The following DTL variants were observed in gnomAD, a reference collection of about 807,000 sequenced individuals.
DTL encodes the protein denticleless protein homolog.
DTL carries 46 observed loss-of-function variants against 87.0 expected under a neutral mutation model. That is an observed-to-expected ratio of 0.53 (90% CI 0.42 to 0.68). DTL has a LOEUF of 0.68. DTL is among the 30% of genes least tolerant of loss of function. The pLI, the probability that DTL is intolerant of heterozygous loss-of-function variation, is 0.00. For missense variants in DTL, 737 were observed against 869.4 expected (o/e 0.85, Z 1.91); for synonymous variants, 308 against 311.2 (o/e 0.99, Z 0.11).
At chr1:212,076,192 C>T (rs1654824488) in intron 11 of DTL, among the ~76,000 whole-genome samples, 1 of 152,082 alleles carries the variant, frequency 6.6e-6, no homozygotes, top group Non-Finnish European at 1.5e-5. Context: ...TCTTGTTTAA[C>T]ATAGGTTTTT....
chr1:212,039,645 C>T (rs1018789761), intron 1 of DTL, among the ~76,000 whole-genome samples: 1 of 152,114 alleles, frequency 6.6e-6, no homozygotes, highest in Non-Finnish European at 1.5e-5. Flanking sequence ...GCAAACATCA[C>T]AGAGTATAAA....
In DTL at chr1:212,076,904, C is replaced by T. The variant is rs1654847519; in HGVS notation, c.1036-1269C>T. On this transcript the variant is annotated intron_variant, in intron 11 of 14. Transcript: ENST00000366991. ...TTCCTTTCTGATAAATTTTAATTAA[C>T]TCTGCAAGACAAGTTAGACTCTGCT... Among the ~76,000 whole-genome samples, 2 of 152,172 alleles carry T rather than the reference C, an allele frequency of 1.3e-5. 1 individual carries two copies.
intron 12 of DTL, 42 bp downstream of exon 12, chr1:212,078,304 A>C (rs983342537): frequency 8.2e-7 from 1 of 1,226,014 alleles, no homozygotes; most frequent in Non-Finnish European, 1.2e-6. Flanking sequence ...AATGTAGATC[A>C]CAGGTTTGTA....
intron 13 of DTL, among the ~76,000 whole-genome samples, chr1:212,087,863 C>T (rs183769065): frequency 5.9e-5 from 9 of 152,284 alleles, no homozygotes; most frequent in African/African-American, 2.2e-4. Flanking sequence ...ACTTCTGGCC[C>T]TGGCTTGTAA....
At chr1:212,067,633 G>A (rs984531148) in intron 8 of DTL, among the ~76,000 whole-genome samples, 1 of 152,114 alleles carries the variant, frequency 6.6e-6, no homozygotes, top group African/African-American at 2.4e-5. Context: ...ATTATCTAAA[G>A]GTTATTAGTT....
intron 7 of DTL, 117 bp from the exon 8 acceptor site, chr1:212,066,695 G>A: frequency 2.7e-6 from 2 of 735,842 alleles, no homozygotes; most frequent in Non-Finnish European, 4.6e-6. Context: ...GAGATCATTA[G>A]ACAAGACTTC....
In DTL at chr1:212,068,581, T is replaced by G; in HGVS notation, c.818-18T>G. 6.5e-7 allele frequency: 1 copy of G among 1,545,778 alleles called. No individual in the cohort carries two copies. The highest frequency in any genetic ancestry group is 8.9e-7 in the Non-Finnish European group (1 of 1,118,780). On this transcript the variant is annotated intron_variant, in intron 9 of 14. Coordinates refer to ENST00000366991, the MANE Select transcript of DTL (RefSeq NM_016448.4). Reference sequence around the variant, plus strand: ...TCACCATCATCAGGACGTGCTAACTTAAGTTTCCTTTTTCCAGGATATTCA... The same window carrying G: ...TCACCATCATCAGGACGTGCTAACTGAAGTTTCCTTTTTCCAGGATATTCA...
rs1056633633 is a variant in DTL, at chr1:212,104,704, G to A, written c.*1764G>A. 2 of 152,160 alleles carry A rather than the reference G, an allele frequency of 1.3e-5. No homozygotes were observed. The highest frequency in any genetic ancestry group is 2.9e-5 in the Non-Finnish European group (2 of 68,022). The allele number at this position is 152,160 out of a possible 1,614,324, so 9.4% of individuals were successfully genotyped here. A position where few individuals can be genotyped will look rare whatever the true frequency, so the allele number is the denominator to read the frequency against. On this transcript the variant is annotated 3_prime_UTR_variant, in exon 15 of 15. Transcript: ENST00000366991. Reference sequence around the variant, plus strand: ...ATTTGGCTGTCAGAAATTATACCGAGTCTACTGGGTATAACATGTCTCACT... The same window carrying A: ...ATTTGGCTGTCAGAAATTATACCGAATCTACTGGGTATAACATGTCTCACT...
At chr1:212,102,525 G>A (rs760291267) in intron 14 of DTL, among the ~76,000 whole-genome samples, 3 of 152,042 alleles carry the variant, frequency 2.0e-5, no homozygotes, top group Non-Finnish European at 4.4e-5. Flanking sequence ...TTATAAATTG[G>A]GGGGGCTGAT....
intron 5 of DTL, among the ~76,000 whole-genome samples, chr1:212,053,057 A>G (rs1253171451): frequency 2.0e-5 from 3 of 152,200 alleles, no homozygotes; most frequent in African/African-American, 7.2e-5. Context: ...ATACACATGC[A>G]TACAAATGGA....
At chr1:212,086,923 A>G (rs772256377) in intron 13 of DTL, among the ~76,000 whole-genome samples, 13 of 152,208 alleles carry the variant, frequency 8.5e-5, no homozygotes, top group Non-Finnish European at 1.5e-4. Flanking sequence ...TGTGATGAAA[A>G]GTATCTTGCT....
intron 13 of DTL, among the ~76,000 whole-genome samples, chr1:212,095,055 C>T (rs920699671): frequency 6.6e-6 from 1 of 152,082 alleles, no homozygotes; most frequent in Non-Finnish European, 1.5e-5. Flanking sequence ...GGTTGACTTC[C>T]TCTTTACCAA....
intron 13 of DTL, among the ~76,000 whole-genome samples, chr1:212,098,003 G>A (rs1655500878): frequency 1.3e-5 from 2 of 152,138 alleles, no homozygotes; most frequent in African/African-American, 4.8e-5. Context: ...TCTGGGTCGA[G>A]CCACCCAGCA....
intron 5 of DTL, among the ~76,000 whole-genome samples, chr1:212,061,508 AAAAC>A (rs1654307355): frequency 6.6e-6 from 1 of 151,776 alleles, no homozygotes; most frequent in Non-Finnish European, 1.5e-5. Flanking sequence ...CAAAAAAAAA[AAAAC>A]AAATAGAATT....
rs575870214 is a variant in DTL, at chr1:212,100,446, G to C, written c.1456G>C (p.Val486Leu). Residue 486 changes from valine to leucine, a missense_variant, in exon 14 of 15, where the codon GTC (valine) becomes CTC (leucine). Coordinates refer to ENST00000366991, the MANE Select transcript of DTL (RefSeq NM_016448.4). ...GTCTCCCATCAACAGAAGAGGCTCT[G>C]TCTCCTCCGTCTCTCCCAAGCCACC... ...ARSPINRRGS[V>L]SSVSPKPPSS... 6.2e-7 allele frequency: 1 copy of C among 1,613,974 alleles called. No individual in the cohort carries two copies. The highest frequency in any genetic ancestry group is 1.3e-5 in the African/African-American group (1 of 74,970).
At chr1:212,072,066 A>G (rs1654689780) in intron 10 of DTL, 35 bp from the exon 11 acceptor site, 1 of 1,482,602 alleles carries the variant, frequency 6.7e-7, no homozygotes, top group Admixed American at 1.7e-5. Flanking sequence ...TAGAAATAAC[A>G]AGAGCCAAGT....
At chr1:212,036,056 C>T (rs1280919127) in intron 1 of DTL, 114 bp downstream of exon 1, 2 of 998,252 alleles carry the variant, frequency 2.0e-6, no homozygotes, top group African/African-American at 1.6e-5. Flanking sequence ...TGAGTTCTCC[C>T]ATGGCAAGGG....
rs575687314 is a variant in DTL at position 212,075,915 on chromosome 1, A to T, written c.1036-2258A>T. Among the ~76,000 whole-genome samples the T allele has an allele frequency of 2.6e-5, 4 of 152,298 alleles. No individual in the cohort carries two copies. In the East Asian group the frequency reaches 7.7e-4, roughly 29 times the overall value. On this transcript the variant is annotated intron_variant, in intron 11 of 14. Transcript: ENST00000366991. ...CCCCAACACCTGCTAAACTACATTC[A>T]GTCTCTATGGATTTGCTATTCTAGA...
Position 212,047,421 on chromosome 1 carries a change from G to T in DTL, c.460+4G>T. The T allele has an allele frequency of 6.2e-7, 1 of 1,614,136 alleles. No homozygotes were observed. Among genetic ancestry groups the T allele is most frequent in the Non-Finnish European group, 8.5e-7 (1 of 1,180,020 alleles). On this transcript the variant is annotated splice_donor_region_variant and intron_variant, in intron 5 of 14. Coordinates refer to ENST00000366991, the MANE Select transcript of DTL (RefSeq NM_016448.4). Reference sequence around the variant, plus strand: ...GCCTTTTCTAAGTTTGAGAAAGGTAGGTTTGTGCTTATCTTCTTTCATCTC... The same window carrying T: ...GCCTTTTCTAAGTTTGAGAAAGGTATGTTTGTGCTTATCTTCTTTCATCTC...
Sources: gnomAD v4.1 joint callset for allele counts (sites outside exome capture counted in the v4.1 genomes callset) on GRCh38, gnomAD v4.1.1 for gene constraint, MANE v1.5 for transcripts, NCBI Gene and HGNC (gene_info 2026-07-23, HGNC 2026-07-21) for gene names.